Variants in ARB2A observed in about 807,000 individuals in gnomAD.
ARB2A encodes the protein cotranscriptional regulator ARB2A.
chr5:93,899,701 T>C, the ARB2A span, among the ~76,000 whole-genome samples: 26 of 152,288 alleles, frequency 1.7e-4, no homozygotes, highest in Non-Finnish European at 2.6e-4. Context: ...ATGTCCCTAT[T>C]GATGGGTGAT....
At chr5:94,058,551 A>T in the ARB2A span, among the ~76,000 whole-genome samples, 3 of 152,214 alleles carry the variant, frequency 2.0e-5, no homozygotes, top group South Asian at 6.2e-4. Context: ...ACATAAAAAA[A>T]TTCTATCTAA....
chr5:94,089,097 G>C, the ARB2A span, among the ~76,000 whole-genome samples: 1 of 152,208 alleles, frequency 6.6e-6, no homozygotes, highest in Non-Finnish European at 1.5e-5. Context: ...CTTGATGTTA[G>C]AATAAGAATA....
chr5:94,018,809 T>C, the ARB2A span, among the ~76,000 whole-genome samples: 1 of 152,020 alleles, frequency 6.6e-6, no homozygotes, highest in Admixed American at 6.6e-5. Flanking sequence ...TAGAAAAAAC[T>C]ACTTTAAATT....
At chr5:93,637,252 AGTTT>A in the ARB2A span, among the ~76,000 whole-genome samples, 1 of 151,756 alleles carries the variant, frequency 6.6e-6, no homozygotes, top group Non-Finnish European at 1.5e-5. Flanking sequence ...CTGTGTCAAC[AGTTT>A]GTTTCTTTTT....
the ARB2A span, among the ~76,000 whole-genome samples, chr5:94,063,904 C>G: frequency 8.6e-5 from 13 of 151,886 alleles, no homozygotes; most frequent in Non-Finnish European, 1.6e-4. Context: ...GATTCTCACA[C>G]CAGATACCCA....
the ARB2A span, chr5:94,050,929 T>C: frequency 1.2e-6 from 1 of 855,412 alleles, no homozygotes; most frequent in Non-Finnish European, 1.7e-6. Flanking sequence ...TTAAAATAAC[T>C]TTCTCAGAAC....
the ARB2A span, among the ~76,000 whole-genome samples, chr5:93,779,573 T>C: frequency 1.7e-4 from 26 of 152,138 alleles, no homozygotes; most frequent in Non-Finnish European, 5.9e-5. Flanking sequence ...CAACAAGGTA[T>C]GTTGAACTCA....
chr5:93,972,730 A>G, the ARB2A span, among the ~76,000 whole-genome samples: 1 of 152,276 alleles, frequency 6.6e-6, no homozygotes, highest in South Asian at 2.1e-4. Context: ...ACTGAAGATG[A>G]CATAGCTGCT....
At chr5:94,079,422 T>C in the ARB2A span, among the ~76,000 whole-genome samples, 2 of 152,134 alleles carry the variant, frequency 1.3e-5, no homozygotes, top group African/African-American at 4.8e-5. Flanking sequence ...AGATAAGGCA[T>C]TGTGGGCTTT....
chr5:93,707,280 T>A, the ARB2A span, among the ~76,000 whole-genome samples: 1 of 152,208 alleles, frequency 6.6e-6, no homozygotes, highest in Non-Finnish European at 1.5e-5. Context: ...TTTCACGATG[T>A]CCAAAAGCAG....
chr5:94,104,948 CAT>C, the ARB2A span, among the ~76,000 whole-genome samples: 3 of 151,502 alleles, frequency 2.0e-5, no homozygotes, highest in Admixed American at 1.3e-4. Context: ...TAAAATTTAA[CAT>C]GTGTTAAAAA....
At chr5:93,902,291 A>G in the ARB2A span, among the ~76,000 whole-genome samples, 4 of 152,154 alleles carry the variant, frequency 2.6e-5, no homozygotes, top group Non-Finnish European at 5.9e-5. Context: ...CTCAGTTTTT[A>G]ATCCAAATAA....
the ARB2A span, among the ~76,000 whole-genome samples, chr5:93,894,877 G>C: frequency 6.6e-6 from 1 of 152,172 alleles, no homozygotes; most frequent in Admixed American, 6.5e-5. Context: ...GCATGGAATA[G>C]TGTGAACAGG....
chr5:94,073,219 A>G, the ARB2A span, among the ~76,000 whole-genome samples: 4 of 152,086 alleles, frequency 2.6e-5, no homozygotes, highest in Non-Finnish European at 5.9e-5. Context: ...TTGTTCTAAA[A>G]TATACTTTAC....
At chr5:93,968,489 A>G in the ARB2A span, among the ~76,000 whole-genome samples, 7 of 152,166 alleles carry the variant, frequency 4.6e-5, no homozygotes, top group Admixed American at 1.3e-4. Context: ...GAGCTTAAAG[A>G]TAAGTTAATG....
chr5:93,650,930 T>C, the ARB2A span, among the ~76,000 whole-genome samples: 1 of 152,022 alleles, frequency 6.6e-6, no homozygotes, highest in Non-Finnish European at 1.5e-5. Context: ...AGATCAAGGC[T>C]GCGGTGAGCT....
At chr5:93,986,067 G>A in the ARB2A span, among the ~76,000 whole-genome samples, 163 of 144,018 alleles carry the variant, frequency 1.1e-3, 2 homozygotes, top group Middle Eastern at 0.041. Context: ...GCCTCTGCCC[G>A]GCCGCCCCGT....
chr5:93,912,286 T>C, the ARB2A span, among the ~76,000 whole-genome samples: 1 of 151,776 alleles, frequency 6.6e-6, no homozygotes, highest in African/African-American at 2.4e-5. Context: ...CCCAAAATGT[T>C]CAGAATAAGG....
the ARB2A span, among the ~76,000 whole-genome samples, chr5:93,974,095 A>G: frequency 2.8e-4 from 43 of 152,312 alleles, no homozygotes; most frequent in African/African-American, 1.0e-3. Context: ...CTTAAAAGAC[A>G]CTGAGTGGCA....
Sources: allele counts gnomAD v4.1 joint callset (sites outside exome capture counted in the v4.1 genomes callset), GRCh38; gene constraint gnomAD v4.1.1; transcripts MANE v1.5; gene names NCBI Gene and HGNC (gene_info 2026-07-23, HGNC 2026-07-21).